NSD1: variants seen among roughly 807,000 people sequenced by gnomAD.
NSD1 encodes histone-lysine N-methyltransferase, H3 lysine-36 specific.
A neutral mutation model predicts 242.7 loss-of-function variants in NSD1; 26 were observed. The ratio of observed to expected loss-of-function variants is 0.11; its 90% CI spans 0.08 to 0.15. The LOEUF is 0.15. Among genes scored for constraint, NSD1 ranks in the 10% least tolerant of loss-of-function variants. The pLI is 1.00. For missense variants in NSD1, 2,495 were observed against 3,272.8 expected (o/e 0.76, Z 5.80); for synonymous variants, 1,106 against 1,178.1 (o/e 0.94, Z 1.25).
intron 11 of NSD1, among the ~76,000 whole-genome samples, chr5:177,250,891 A>G (rs1281745300): frequency 6.6e-6 from 1 of 152,202 alleles, no homozygotes; most frequent in East Asian, 1.9e-4. Flanking sequence ...ATAGTAGTAC[A>G]AGGCTTTAAA....
At position 177,286,157 on chromosome 5, in the gene NSD1, C is replaced by A. The variant is rs576663732; in HGVS notation, c.6151+2229C>A. Among the ~76,000 whole-genome samples, 7 of 152,262 alleles carry A rather than the reference C, an allele frequency of 4.6e-5. No homozygotes were observed. In the East Asian group the frequency reaches 1.3e-3, roughly 29 times the overall value. ...AATTACAGGCATGAGCCACCGCGCC[C>A]GGCCTGTGTTTTAAATTTAATCTAT... On this transcript the variant is annotated intron_variant, in intron 20 of 22. Coordinates refer to ENST00000439151, the MANE Select transcript of NSD1 (RefSeq NM_022455.5).
chr5:177,269,824 T>G lies in NSD1; in HGVS notation c.5509+17T>G. 6.2e-7 allele frequency: 1 copy of G among 1,601,788 alleles called. No individual in the cohort carries two copies. The highest frequency in any genetic ancestry group is 2.2e-5 in the East Asian group (1 of 44,764). ...ATAAAAAAGGTAACTTTATCCTTTTTGTTTCTCAGGCAAACACAGACCTCT... is the reference window on the plus strand; with the variant it reads ...ATAAAAAAGGTAACTTTATCCTTTTGGTTTCTCAGGCAAACACAGACCTCT... On this transcript the variant is annotated intron_variant, in intron 16 of 22. Coordinates refer to ENST00000439151, the MANE Select transcript of NSD1 (RefSeq NM_022455.5). This position sits in a 1 kb window ranked among gnomAD's most constrained non-coding sequence, Gnocchi z 5.1.
chr5:177,267,481 AT>A (rs1757588187), intron 14 of NSD1, 80 bp from the exon 15 acceptor site: 5 of 1,152,948 alleles, frequency 4.3e-6, no homozygotes, highest in African/African-American at 1.5e-5. Flanking sequence ...GAAAGAAAAT[AT>A]ATATATATAT....
At chr5:177,224,960 A>G (rs2149870167) in intron 5 of NSD1, among the ~76,000 whole-genome samples, 1 of 151,628 alleles carries the variant, frequency 6.6e-6, no homozygotes, top group African/African-American at 2.4e-5. Context: ...ATATTGATTG[A>G]TTTTTGTAAT....
At chr5:177,139,167 C>G (rs1756597129) in intron 2 of NSD1, among the ~76,000 whole-genome samples, 1 of 151,760 alleles carries the variant, frequency 6.6e-6, no homozygotes, top group African/African-American at 2.4e-5. Context: ...AGGAGAATCA[C>G]TTGAACCCGG....
chr5:177,268,254 A>G (rs1757668994), intron 15 of NSD1, among the ~76,000 whole-genome samples: 4 of 147,332 alleles, frequency 2.7e-5, no homozygotes, highest in Admixed American at 2.1e-4. Flanking sequence ...GACTACAGGT[A>G]CATGCCACTG....
chr5:177,148,991 G>A (rs962258023), intron 2 of NSD1, among the ~76,000 whole-genome samples: 42 of 147,734 alleles, frequency 2.8e-4, no homozygotes, highest in African/African-American at 9.7e-4. Context: ...CTAATTTTTT[G>A]TATTTTTAGT....
chr5:177,221,986 AT>A (rs1045951438), intron 5 of NSD1, among the ~76,000 whole-genome samples: 1 of 150,248 alleles, frequency 6.7e-6, no homozygotes, highest in Non-Finnish European at 1.5e-5. Flanking sequence ...AGTTTTTTGT[AT>A]TTTTGTGGAG....
At chr5:177,280,394 A>G (rs1387863892) in intron 17 of NSD1, among the ~76,000 whole-genome samples, 171 bp from the exon 18 acceptor site, 1 of 152,148 alleles carries the variant, frequency 6.6e-6, no homozygotes, top group Non-Finnish European at 1.5e-5. Flanking sequence ...TGTGGAGTTC[A>G]TATTTTGTAT....
At chr5:177,291,879 A>G in intron 21 of NSD1, 75 bp from the exon 22 acceptor site, 1 of 1,328,446 alleles carries the variant, frequency 7.5e-7, no homozygotes, top group Non-Finnish European at 1.1e-6. Context: ...TGAGGCTCAG[A>G]GAGGGTAGTT....
At position 177,212,163 on chromosome 5, in the gene NSD1, G is replaced by A. The variant is rs1389749444; in HGVS notation, c.3764G>A (p.Ser1255Asn). Residue 1255 changes from serine to asparagine, a missense_variant, in exon 5 of 23, where the codon AGT (serine) becomes AAT (asparagine). Around this residue, in one of 19 missense-constraint regions of NSD1, gnomAD observed 426 missense variants for 411.4 expected, o/e 1.04. Coordinates refer to ENST00000439151, the MANE Select transcript of NSD1 (RefSeq NM_022455.5). ...ATGGAAAAGGAGCCAGGAATTCCCA[G>A]TTTGACACCACAGGCTGAGCTCCCT... ...GDMEKEPGIP[S>N]LTPQAELPEP... The A allele has an allele frequency of 3.0e-5, 48 of 1,613,732 alleles. No individual in the cohort carries two copies. Among genetic ancestry groups the A allele is most frequent in the Non-Finnish European group, 3.9e-5 (46 of 1,180,008 alleles).
chr5:177,171,231 A>AG (rs1235616238), intron 2 of NSD1, among the ~76,000 whole-genome samples: 1 of 151,668 alleles, frequency 6.6e-6, no homozygotes, highest in Non-Finnish European at 1.5e-5. Flanking sequence ...CGCTTGAACC[A>AG]GGGGGGCAGA....
Position 177,156,472 on chromosome 5 carries a change from G to A in NSD1, c.927+20442G>A, listed in dbSNP as rs1043415510. ...GGAATTACAGGCGTAAGCCTCCGCC[G>A]GGCCTTTTTTAGATTTTTAAGAGAA... is the stretch of plus-strand genomic sequence containing the variant. On this transcript the variant is annotated intron_variant, in intron 2 of 22. Transcript: ENST00000439151. 3.3e-5 allele frequency among the ~76,000 whole-genome samples: 5 copies of A among 152,100 alleles called. No individual in the cohort carries two copies. The South Asian group carries it at 8.3e-4, about 25-fold the overall frequency.
intron 17 of NSD1, among the ~76,000 whole-genome samples, chr5:177,277,397 A>G (rs539467515): frequency 5.9e-5 from 9 of 152,302 alleles, no homozygotes; most frequent in African/African-American, 1.7e-4. Flanking sequence ...GGCTGCTTTT[A>G]TATTACAGTG....
At chr5:177,235,495 G>A (rs1221696511) in intron 5 of NSD1, among the ~76,000 whole-genome samples, 2 of 152,098 alleles carry the variant, frequency 1.3e-5, no homozygotes, top group African/African-American at 4.8e-5. Flanking sequence ...CTACATTTTT[G>A]TTAGGTATAT....
At chr5:177,247,092 T>C (rs1238041957) in intron 10 of NSD1, among the ~76,000 whole-genome samples, 1 of 152,206 alleles carries the variant, frequency 6.6e-6, no homozygotes. Flanking sequence ...GAGTACAATA[T>C]CAAGTCAACA....
At chr5:177,231,413 T>A (rs904266454) in intron 5 of NSD1, among the ~76,000 whole-genome samples, 18 of 152,190 alleles carry the variant, frequency 1.2e-4, no homozygotes, top group South Asian at 1.0e-3. Context: ...AAGAAAAATG[T>A]ATACTTTAAT....
At chr5:177,273,962 T>C (rs1428172667) in intron 17 of NSD1, among the ~76,000 whole-genome samples, 178 bp downstream of exon 17, 1 of 152,022 alleles carries the variant, frequency 6.6e-6, no homozygotes, top group Non-Finnish European at 1.5e-5. Flanking sequence ...TCCCAGCACT[T>C]TGGGAGGCCG....
intron 2 of NSD1, among the ~76,000 whole-genome samples, chr5:177,180,631 TTATGTGTCCTGG>T (rs1760580107): frequency 1.3e-5 from 2 of 152,120 alleles, no homozygotes; most frequent in Admixed American, 6.6e-5. Context: ...TATAATTTTG[TTATGTGTCCTGG>T]TATCTCTTGT....
Sources: gnomAD v4.1 joint callset for allele counts (sites outside exome capture counted in the v4.1 genomes callset) on GRCh38, gnomAD v4.1.1 for gene constraint, gnomAD v4.1.1 regional missense constraint, Gnocchi (gnomAD v3.1) non-coding constraint, MANE v1.5 for transcripts, NCBI Gene and HGNC (gene_info 2026-07-23, HGNC 2026-07-21) for gene names.